The following SYT16 variants were observed in gnomAD, a reference collection of about 807,000 sequenced individuals.
The protein encoded by SYT16 is synaptotagmin-16.
In SYT16, 42 loss-of-function variants were observed where a neutral mutation model predicts 61.4. That is an observed-to-expected ratio of 0.68 (90% CI 0.53 to 0.89). The LOEUF is 0.89. Ranked by LOEUF, SYT16 falls within the 40% of genes least tolerant of loss-of-function variation. The pLI is 0.00. For synonymous variants in SYT16, 314 were observed against 302.3 expected (o/e 1.04, Z -0.40); for missense variants, 804 against 807.3 (o/e 1.00, Z 0.05).
intron 1 of SYT16, among the ~76,000 whole-genome samples, chr14:61,820,938 T>G (rs1002524120): frequency 2.0e-5 from 3 of 152,212 alleles, no homozygotes; most frequent in Admixed American, 2.0e-4. Flanking sequence ...GTAGCCTTTC[T>G]CTGTCTCAGA....
At position 62,102,369 on chromosome 14, in the gene SYT16, G is replaced by C. The variant is rs2057437738; in HGVS notation, c.*1662G>C. ...ATTTCATATGGAAGAATGAGAATTT[G>C]CCAAATAAATTAATACCTTAATTAC... On this transcript the variant is annotated 3_prime_UTR_variant, in exon 8 of 8. Transcript: ENST00000683842. The C allele has an allele frequency of 6.6e-6, 1 of 152,186 alleles. No homozygotes were observed. 9.4% of individuals were successfully genotyped at this position (152,186 alleles called of 1,614,324 possible). A position where few individuals can be genotyped will look rare whatever the true frequency, so the allele number is the denominator to read the frequency against.
At chr14:61,817,013 ACACACACACACAC>A (rs1566604720) in intron 1 of SYT16, among the ~76,000 whole-genome samples, 40 of 144,878 alleles carry the variant, frequency 2.8e-4, no homozygotes, top group Admixed American at 4.1e-4. Context: ...TCCGTCACAC[ACACACACACACAC>A]ACAAAAAAAG....
At chr14:61,850,383 C>A (rs1238088321) in intron 1 of SYT16, among the ~76,000 whole-genome samples, 1 of 152,104 alleles carries the variant, frequency 6.6e-6, no homozygotes, top group African/African-American at 2.4e-5. Context: ...TATCTGCCTA[C>A]CTTGGCCTCC....
At chr14:61,827,761 C>G (rs1343213309) in intron 1 of SYT16, among the ~76,000 whole-genome samples, 4 of 152,116 alleles carry the variant, frequency 2.6e-5, no homozygotes, top group African/African-American at 9.7e-5. Flanking sequence ...ACTGTACATA[C>G]TGAACTTCTG....
At chr14:61,979,424 G>T (rs1454375724) in intron 2 of SYT16, among the ~76,000 whole-genome samples, 1 of 152,082 alleles carries the variant, frequency 6.6e-6, no homozygotes, top group Non-Finnish European at 1.5e-5. Context: ...CTTTAGCAAT[G>T]AATTTTCTTT....
At chr14:62,087,990 A>C (rs1195174284) in intron 7 of SYT16, among the ~76,000 whole-genome samples, 1 of 152,206 alleles carries the variant, frequency 6.6e-6, no homozygotes, top group Non-Finnish European at 1.5e-5. Context: ...AGTATTGGTG[A>C]GGATGTGGAG....
At chr14:61,959,842 G>A (rs1486171105) in intron 1 of SYT16, among the ~76,000 whole-genome samples, 1 of 151,900 alleles carries the variant, frequency 6.6e-6, no homozygotes, top group East Asian at 1.9e-4. Flanking sequence ...TTTTTGTGGG[G>A]CTCGGGGGAC....
chr14:61,899,709 GT>G (rs1342843715), intron 1 of SYT16, among the ~76,000 whole-genome samples: 1 of 152,216 alleles, frequency 6.6e-6, no homozygotes, highest in Non-Finnish European at 1.5e-5. Flanking sequence ...CGGAAGGCCT[GT>G]TGGTTGGAAA....
intron 1 of SYT16, among the ~76,000 whole-genome samples, chr14:61,908,305 G>C (rs909315751): frequency 6.6e-6 from 1 of 152,162 alleles, no homozygotes; most frequent in East Asian, 1.9e-4. Context: ...AGTGATTCAC[G>C]AATTTGTCTG....
chr14:61,991,660 ACT>A (rs1050234842), intron 2 of SYT16, among the ~76,000 whole-genome samples: 4 of 151,984 alleles, frequency 2.6e-5, no homozygotes, highest in African/African-American at 9.7e-5. Flanking sequence ...GCAACTGGAC[ACT>A]CTTTTATATA....
intron 5 of SYT16, among the ~76,000 whole-genome samples, chr14:62,080,331 T>G (rs2056662780): frequency 6.6e-6 from 1 of 152,180 alleles, no homozygotes; most frequent in Admixed American, 6.5e-5. Context: ...CCCTAAACCT[T>G]TTCTCCCACT....
At chr14:62,096,627 A>T (rs2057283893) in intron 7 of SYT16, among the ~76,000 whole-genome samples, 1 of 152,100 alleles carries the variant, frequency 6.6e-6, no homozygotes. Context: ...TAATGTGCAA[A>T]ATTCTATTAA....
At chr14:61,971,728 A>C (rs376121413) in intron 2 of SYT16, among the ~76,000 whole-genome samples, 1 of 152,334 alleles carries the variant, frequency 6.6e-6, no homozygotes, top group South Asian at 2.1e-4. Context: ...ATAATGGGAG[A>C]GGTGTAAATT....
chr14:61,822,744 A>C (rs989438827), intron 1 of SYT16, among the ~76,000 whole-genome samples: 3 of 152,198 alleles, frequency 2.0e-5, no homozygotes, highest in Non-Finnish European at 2.9e-5. Flanking sequence ...ACAGATTTAT[A>C]AAAATGAAAA....
At chr14:62,017,126 A>G (rs115852968) in intron 3 of SYT16, among the ~76,000 whole-genome samples, 2,164 of 152,284 alleles carry the variant, frequency 0.014, 64 homozygotes, top group African/African-American at 0.05. Flanking sequence ...GCGGGGATTT[A>G]AAAAAAGAAA....
At chr14:61,868,801 A>G (rs2047239860) in intron 1 of SYT16, among the ~76,000 whole-genome samples, 1 of 151,946 alleles carries the variant, frequency 6.6e-6, no homozygotes, top group African/African-American at 2.4e-5. Context: ...GATTAATTTT[A>G]TTGATAGTGT....
chr14:61,817,188 G>A (rs1594675926), intron 1 of SYT16, among the ~76,000 whole-genome samples: 1 of 151,774 alleles, frequency 6.6e-6, no homozygotes, highest in Non-Finnish European at 1.5e-5. Flanking sequence ...AGGCCGAGGC[G>A]GGTGGATCGC....
intron 2 of SYT16, among the ~76,000 whole-genome samples, chr14:61,970,907 C>T (rs1290404684): frequency 6.6e-6 from 1 of 151,364 alleles, no homozygotes; most frequent in Non-Finnish European, 1.5e-5. Flanking sequence ...AAAGAGAATA[C>T]TCTTATCTTA....
At chr14:61,823,498 G>A (rs1163752577) in intron 1 of SYT16, among the ~76,000 whole-genome samples, 2 of 150,562 alleles carry the variant, frequency 1.3e-5, no homozygotes, top group African/African-American at 4.9e-5. Context: ...GGAGGCCGAG[G>A]TGGGCAGATT....
Sources: gnomAD v4.1 joint callset for allele counts (sites outside exome capture counted in the v4.1 genomes callset) on GRCh38, gnomAD v4.1.1 for gene constraint, MANE v1.5 for transcripts, NCBI Gene and HGNC (gene_info 2026-07-23, HGNC 2026-07-21) for gene names.